The following ATR variants were observed in gnomAD, a reference collection of about 807,000 sequenced individuals.
The protein encoded by ATR is ATR checkpoint kinase.
ATR carries 142 observed loss-of-function variants against 305.3 expected under a neutral mutation model. The ratio of observed to expected loss-of-function variants is 0.47; its 90% CI spans 0.41 to 0.53. The LOEUF (loss-of-function observed/expected upper bound fraction) is 0.53. Ranked by LOEUF, ATR falls within the 20% of genes least tolerant of loss-of-function variation. The probability of loss-of-function intolerance (pLI) is 0.00; values close to 1 mark genes in which losing one functional copy is unlikely to be tolerated. For missense variants in ATR, 2,135 were observed against 3,133.1 expected, an observed-to-expected ratio of 0.68 and a Z score of 7.60; for synonymous variants, 1,050 against 1,068.1, an observed-to-expected ratio of 0.98 and a Z score of 0.33.
At chr3:142,550,488 T>G (rs1253563929) in intron 13 of ATR, among the ~76,000 whole-genome samples, 186 bp from the exon 14 acceptor site, 1 of 152,194 alleles carries the variant, frequency 6.6e-6, no homozygotes, top group Non-Finnish European at 1.5e-5. Flanking sequence ...GATGACATAA[T>G]CAGACTTAGT....
chr3:142,559,452 T>G lies in ATR; in HGVS notation c.1542-11A>C, dbSNP rs1361061680. The stretch of plus-strand genomic sequence containing the variant: ...TCCTTGAAAGTACGGCTGCAGTAAG[T>G]ACATTTTGTTAAAAACATTGGAATT... On this transcript the variant is annotated splice_polypyrimidine_tract_variant and intron_variant, in intron 6 of 46. Coordinates refer to ENST00000350721, the MANE Select transcript of ATR (RefSeq NM_001184.4). The G allele has an allele frequency of 6.2e-7, 1 of 1,610,710 alleles. No homozygotes were observed. Among genetic ancestry groups the G allele is most frequent in the East Asian group, 2.2e-5 (1 of 44,806 alleles).
In ATR at chr3:142,536,640, C is replaced by G. The variant is rs547560741; in HGVS notation, c.3726-439G>C. Among the ~76,000 whole-genome samples the G allele has an allele frequency of 4.6e-5, 7 of 152,152 alleles. No individual in the cohort carries two copies. In the East Asian group the frequency reaches 1.4e-3, roughly 29 times the overall value. On this transcript the variant is annotated intron_variant, in intron 19 of 46. Coordinates refer to ENST00000350721, the MANE Select transcript of ATR (RefSeq NM_001184.4). ...CCACCAACATGGACAGACCGTGGTA[C>G]AGAGAGACAGACTGTGAGACTACAC...
intron 25 of ATR, 138 bp downstream of exon 25, chr3:142,515,257 T>G (rs1274820482): frequency 1.8e-5 from 21 of 1,164,864 alleles, no homozygotes; most frequent in Non-Finnish European, 2.6e-5. Context: ...TCTCTATTAG[T>G]TAACATTTTC....
intron 27 of ATR, among the ~76,000 whole-genome samples, chr3:142,508,785 G>A (rs571910832): frequency 5.9e-5 from 9 of 152,078 alleles, no homozygotes; most frequent in South Asian, 4.2e-4. Context: ...TTAGCCGGGC[G>A]TGGTGACGGG....
At chr3:142,570,778 C>T (rs1184564191) in intron 1 of ATR, among the ~76,000 whole-genome samples, 5 of 152,108 alleles carry the variant, frequency 3.3e-5, no homozygotes, top group African/African-American at 1.2e-4. Context: ...TTTCCTGTAG[C>T]AGTAAAGAGA....
intron 36 of ATR, among the ~76,000 whole-genome samples, chr3:142,482,027 T>C (rs1269768553): frequency 6.6e-6 from 1 of 152,038 alleles, no homozygotes; most frequent in Non-Finnish European, 1.5e-5. Flanking sequence ...GTTCTTACCA[T>C]GTTGCTCTGG....
intron 1 of ATR, among the ~76,000 whole-genome samples, chr3:142,573,167 C>T (rs1004636349): frequency 6.6e-6 from 1 of 152,088 alleles, no homozygotes; most frequent in African/African-American, 2.4e-5. Flanking sequence ...ATCAAAGGGC[C>T]AGGCGTGGTG....
chr3:142,470,230 T>G (rs781374436), intron 36 of ATR, 47 bp from the exon 37 acceptor site: 85 of 1,409,426 alleles, frequency 6.0e-5, no homozygotes, highest in Non-Finnish European at 7.9e-5. Flanking sequence ...CTGTCATTTT[T>G]ATATTATACG....
intron 23 of ATR, among the ~76,000 whole-genome samples, chr3:142,521,386 C>T (rs1403887169): frequency 6.6e-6 from 1 of 152,168 alleles, no homozygotes; most frequent in Non-Finnish European, 1.5e-5. Context: ...AACACAACAT[C>T]CATTTTGCAG....
chr3:142,505,353 G>A (rs143975602), intron 28 of ATR, 50 bp from the exon 29 acceptor site: 76 of 1,599,526 alleles, frequency 4.8e-5, no homozygotes, highest in Admixed American at 8.4e-5. Flanking sequence ...AAACACAACT[G>A]GAAATAAAAC....
At chr3:142,516,970 T>A (rs1269251930) in intron 24 of ATR, among the ~76,000 whole-genome samples, 1 of 139,430 alleles carries the variant, frequency 7.2e-6, no homozygotes, top group Non-Finnish European at 1.5e-5. Flanking sequence ...ATACCCAAAG[T>A]CTTATACCCA....
intron 36 of ATR, 96 bp downstream of exon 36, chr3:142,485,044 A>G: frequency 6.4e-6 from 10 of 1,554,378 alleles, no homozygotes; most frequent in Non-Finnish European, 8.8e-6. Flanking sequence ...ATAAGCCAGA[A>G]AATACCTAGA....
intron 18 of ATR, 73 bp from the exon 19 acceptor site, chr3:142,538,698 A>T (rs2033947285): frequency 1.5e-5 from 24 of 1,556,170 alleles, no homozygotes; most frequent in Non-Finnish European, 2.1e-5. Flanking sequence ...ATCAGTAATT[A>T]GTTGAAGACA....
rs2070720667 is a variant in ATR at position 142,449,315 on chromosome 3, G to A, written c.*114C>T. 5.3e-6 allele frequency: 5 copies of A among 951,816 alleles called. No individual in the cohort carries two copies. The Admixed American group carries it at 1.1e-4, about 21-fold the overall frequency. The allele number at this position is 951,816 out of a possible 1,614,324, so 59.0% of individuals were successfully genotyped here. A position where few individuals can be genotyped will look rare whatever the true frequency, so the allele number is the denominator to read the frequency against. On this transcript the variant is annotated 3_prime_UTR_variant, in exon 47 of 47. Transcript: ENST00000350721. The stretch of plus-strand genomic sequence containing the variant: ...AATTAATGATCAGAGAGAAATAACA[G>A]TTGCTGAGAACGTAAATTTATGTTG...
At chr3:142,555,457 C>T (rs1352846063) in intron 10 of ATR, among the ~76,000 whole-genome samples, 2 of 152,088 alleles carry the variant, frequency 1.3e-5, no homozygotes, top group African/African-American at 2.4e-5. Context: ...TACTCCATTA[C>T]CACTGGAAAG....
At chr3:142,460,955 C>A (rs1333272950) in intron 42 of ATR, among the ~76,000 whole-genome samples, 1 of 152,076 alleles carries the variant, frequency 6.6e-6, no homozygotes, top group Non-Finnish European at 1.5e-5. Context: ...AAACCTCTGA[C>A]CTTATTCAAA....
chr3:142,485,046 A>C, intron 36 of ATR, 94 bp downstream of exon 36: 1 of 1,556,648 alleles, frequency 6.4e-7, no homozygotes, highest in Non-Finnish European at 8.8e-7. Context: ...AAGCCAGAAA[A>C]TACCTAGAAT....
intron 13 of ATR, among the ~76,000 whole-genome samples, chr3:142,552,550 A>G (rs2034508464): frequency 6.6e-6 from 1 of 151,700 alleles, no homozygotes; most frequent in East Asian, 1.9e-4. Context: ...GGCACCTATA[A>G]TACCAGTTAC....
At chr3:142,563,130 A>T in intron 3 of ATR, 21 bp from the exon 4 acceptor site, 1 of 1,590,250 alleles carries the variant, frequency 6.3e-7, no homozygotes, top group Non-Finnish European at 8.5e-7. Flanking sequence ...AACAAAAAAG[A>T]TATTAAATAA....
Sources: gnomAD v4.1 joint callset for allele counts (sites outside exome capture counted in the v4.1 genomes callset) on GRCh38, gnomAD v4.1.1 for gene constraint, MANE v1.5 for transcripts, NCBI Gene and HGNC (gene_info 2026-07-23, HGNC 2026-07-21) for gene names.